Variants in TMEM231 observed in about 807,000 individuals in gnomAD.
The protein encoded by TMEM231 is transmembrane protein 231.
TMEM231 carries 40 observed loss-of-function variants against 38.5 expected under a neutral mutation model. That is an observed-to-expected ratio of 1.04 (90% CI 0.81 to 1.35). The LOEUF is 1.35. Among genes scored for constraint, TMEM231 ranks in the 40% most tolerant of loss-of-function variants. The probability of loss-of-function intolerance (pLI) is 0.00; values close to 1 mark genes in which losing one functional copy is unlikely to be tolerated. For synonymous variants in TMEM231, 199 were observed against 181.7 expected, an observed-to-expected ratio of 1.10 and a Z score of -0.77; for missense variants, 420 against 416.9, an observed-to-expected ratio of 1.01 and a Z score of -0.07.
At position 75,540,119 on chromosome 16, in the gene TMEM231, T is replaced by C. The variant is rs1255772519; in HGVS notation, c.826A>G (p.Ile276Val). The change falls in exon 7 of 7, where the codon ATC becomes GTC. Residue 276 changes from isoleucine to valine, a missense_variant. Transcript: ENST00000258173. ...VKFAWVQYVS[I>V]LLIFLWVFER... ...AACACCCAGAGGAAGATAAGCAGGA[T>C]GCTGACATACTGCACCCAGGCGAAC... The C allele has an allele frequency of 6.2e-7, 1 of 1,613,884 alleles. No homozygotes were observed. Among genetic ancestry groups the C allele is most frequent in the East Asian group, 2.2e-5 (1 of 44,880 alleles).
Position 75,545,880 on chromosome 16 carries a change from G to C in TMEM231, c.384C>G (p.Ser128=). The C allele has an allele frequency of 6.8e-7, 1 of 1,464,748 alleles. No homozygotes were observed. The highest frequency in any genetic ancestry group is 2.2e-5 in the Admixed American group (1 of 44,796). The allele number at this position is 1,464,748 out of a possible 1,614,324, so 90.7% of individuals were successfully genotyped here. Residue 128 remains serine, a synonymous_variant, in exon 3 of 7, where the codon TCC becomes TCG. Transcript: ENST00000258173. ...LHFKLELPLQ[S]TEHVLGVQLI... ...GCTGCACACCGAGAACGTGCTCCGTGGACTGCAGGGGAAGCTCCAGCTTAA... is the reference window on the plus strand; with the variant it reads ...GCTGCACACCGAGAACGTGCTCCGTCGACTGCAGGGGAAGCTCCAGCTTAA...
At chr16:75,548,674 G>A (rs2080721087) in intron 2 of TMEM231, among the ~76,000 whole-genome samples, 1 of 152,180 alleles carries the variant, frequency 6.6e-6, no homozygotes, top group Non-Finnish European at 1.5e-5. Context: ...TTCGAGAGCA[G>A]CCTGGGCAAC....
chr16:75,553,480 G>A (rs1376845065), intron 2 of TMEM231, among the ~76,000 whole-genome samples: 2 of 151,800 alleles, frequency 1.3e-5, no homozygotes, highest in Non-Finnish European at 2.9e-5. Context: ...AAGTTAGCCC[G>A]GAGTGGTGGT....
At chr16:75,546,732 C>T (rs147607684) in intron 2 of TMEM231, among the ~76,000 whole-genome samples, 287 of 152,278 alleles carry the variant, frequency 1.9e-3, no homozygotes, top group Middle Eastern at 6.8e-3. Flanking sequence ...CGTGAGCCAC[C>T]GCACCCGGCC....
chr16:75,552,972 T>G (rs1309846386), intron 2 of TMEM231, among the ~76,000 whole-genome samples: 1 of 152,176 alleles, frequency 6.6e-6, no homozygotes, highest in Admixed American at 6.5e-5. Context: ...GGGGAAAAAG[T>G]CACTCTGCTT....
At position 75,539,133 on chromosome 16, in the gene TMEM231, G is replaced by T. The variant is rs1461096905; in HGVS notation, c.*861C>A. Reference sequence around the variant, plus strand: ...CTGTCGCCCCTGTCCTTTGCAGGAAGGGGGAGGGCTGTCAAGGAGGAGGAG... The same window carrying T: ...CTGTCGCCCCTGTCCTTTGCAGGAATGGGGAGGGCTGTCAAGGAGGAGGAG... On this transcript the variant is annotated 3_prime_UTR_variant, in exon 7 of 7. Coordinates refer to ENST00000258173, the MANE Select transcript of TMEM231 (RefSeq NM_001077418.3). The T allele has an allele frequency of 6.6e-6, 1 of 151,746 alleles. No homozygotes were observed. Among genetic ancestry groups the T allele is most frequent in the African/African-American group, 2.4e-5 (1 of 41,352 alleles). The allele number at this position is 151,746 out of a possible 1,614,324, so 9.4% of individuals were successfully genotyped here.
chr16:75,549,915 G>A (rs1304155697), intron 2 of TMEM231, among the ~76,000 whole-genome samples: 1 of 152,120 alleles, frequency 6.6e-6, no homozygotes, highest in Non-Finnish European at 1.5e-5. Flanking sequence ...CACCGTGTTG[G>A]CCAGGCTATT....
chr16:75,538,466 T>A lies in TMEM231; in HGVS notation c.*1528A>T, dbSNP rs951215673. 4 of 152,218 alleles carry A rather than the reference T, an allele frequency of 2.6e-5. No homozygotes were observed. Among genetic ancestry groups the A allele is most frequent in the Non-Finnish European group, 5.9e-5 (4 of 68,042 alleles). 9.4% of individuals were successfully genotyped at this position (152,218 alleles called of 1,614,324 possible). On this transcript the variant is annotated 3_prime_UTR_variant, in exon 7 of 7. Coordinates refer to ENST00000258173, the MANE Select transcript of TMEM231 (RefSeq NM_001077418.3). ...GTGAATTTAAACAAGAAACTATTTT[T>A]CGTTTAGATCTTAAGAAAAAAATTT...
rs551886364 is a variant in TMEM231, at chr16:75,550,801, C to T, written c.310-4847G>A. Among the ~76,000 whole-genome samples, 8 of 151,064 alleles carry T rather than the reference C, an allele frequency of 5.3e-5. No homozygotes were observed. The East Asian group carries it at 1.2e-3, about 22-fold the overall frequency. ...GTGCAATCTCAGCTCACTGCAATCT[C>T]CGCCTCCCGGGTTCAAGCAATTCTC... On this transcript the variant is annotated intron_variant, in intron 2 of 6. Transcript: ENST00000258173.
chr16:75,544,237 A>G (rs2080657247), intron 4 of TMEM231, among the ~76,000 whole-genome samples: 1 of 152,230 alleles, frequency 6.6e-6, no homozygotes, highest in African/African-American at 2.4e-5. Flanking sequence ...AAACACACAA[A>G]CACATATCCT....
chr16:75,541,452 G>T lies in TMEM231; in HGVS notation c.668C>A (p.Thr223Asn). ...IVAAYQERNV[T>N]TVLNDPNPIW... ...GGGGTTGGGATCATTCAGGACGGTGGTAACTGCAATGCAATCATTAACCAT... is the reference window on the plus strand; with the variant it reads ...GGGGTTGGGATCATTCAGGACGGTGTTAACTGCAATGCAATCATTAACCAT... The change falls in exon 6 of 7, where the codon ACC (threonine) becomes AAC (asparagine). Residue 223 changes from threonine (T) to asparagine (N), a missense_variant. Transcript: ENST00000258173. 6.2e-7 allele frequency: 1 copy of T among 1,603,054 alleles called. No individual in the cohort carries two copies. The highest frequency in any genetic ancestry group is 8.5e-7 in the Non-Finnish European group (1 of 1,173,078).
chr16:75,540,205 TG>T (rs770660721), intron 6 of TMEM231, 31 bp from the exon 7 acceptor site: 7 of 1,585,138 alleles, frequency 4.4e-6, no homozygotes, highest in East Asian at 4.5e-5. Flanking sequence ...AAGGGCCACA[TG>T]GTGTTAAGTA....
chr16:75,544,946 T>C lies in TMEM231; in HGVS notation c.582+406A>G, dbSNP rs199733458. 5.1e-3 allele frequency among the ~76,000 whole-genome samples: 586 copies of C among 114,588 alleles called. 7 individuals carry two copies. Among genetic ancestry groups the C allele is most frequent in the East Asian group, 0.026 (66 of 2,572 alleles). 75.2% of individuals were successfully genotyped at this position (114,588 alleles called of 152,430 possible). Reference sequence around the variant, plus strand: ...ATGATATTTCTACTTTTCTTTTCTTTTTCTTTTTTTTTTTTTTTTTTTTTT... The same window carrying C: ...ATGATATTTCTACTTTTCTTTTCTTCTTCTTTTTTTTTTTTTTTTTTTTTT... On this transcript the variant is annotated intron_variant, in intron 4 of 6. Transcript: ENST00000258173.
intron 4 of TMEM231, 44 bp downstream of exon 4, chr16:75,545,308 A>T: frequency 6.3e-7 from 1 of 1,591,450 alleles, no homozygotes; most frequent in Non-Finnish European, 8.6e-7. Context: ...AATGAACAGT[A>T]ACACAGAGAA....
intron 2 of TMEM231, among the ~76,000 whole-genome samples, chr16:75,549,241 G>C (rs997121394): frequency 6.6e-6 from 1 of 152,186 alleles, no homozygotes; most frequent in African/African-American, 2.4e-5. Context: ...TTAGTTGAAA[G>C]TAAGTTTAAC....
rs961777015 is a variant in TMEM231 at position 75,555,914 on chromosome 16, C to G, written c.199G>C (p.Val67Leu). The G allele has an allele frequency of 4.4e-6, 7 of 1,603,290 alleles. No individual in the cohort carries two copies. The South Asian group carries it at 5.6e-5, about 13-fold the overall frequency. ...GGTCCGAGCAGGGCCACGAGCAGCA[C>G]CTGGTGTTGGAAGCGCACGGTCGGC... The part of the protein sequence containing the change: ...EQPTVRFQHQ[V>L]LLVALLGPES... Residue 67 changes from valine (V) to leucine (L), a missense_variant, in exon 2 of 7, where the codon GTG becomes CTG. Physicochemically the swap from Val to Leu is conservative, Grantham distance 32. Coordinates refer to ENST00000258173, the MANE Select transcript of TMEM231 (RefSeq NM_001077418.3).
intron 5 of TMEM231, among the ~76,000 whole-genome samples, chr16:75,542,364 T>G (rs888095788): frequency 6.6e-6 from 1 of 150,406 alleles, no homozygotes; most frequent in Non-Finnish European, 1.5e-5. Flanking sequence ...GGGATAATGA[T>G]GGCATTTAAC....
chr16:75,549,715 T>G (rs2080734654), intron 2 of TMEM231, among the ~76,000 whole-genome samples: 2 of 152,226 alleles, frequency 1.3e-5, no homozygotes, highest in Admixed American at 1.3e-4. Flanking sequence ...GGAATTTTTT[T>G]GTTTTTTTTT....
At chr16:75,547,973 A>C (rs1018208191) in intron 2 of TMEM231, among the ~76,000 whole-genome samples, 1 of 152,198 alleles carries the variant, frequency 6.6e-6, no homozygotes, top group African/African-American at 2.4e-5. Flanking sequence ...GACAACTGCC[A>C]GAAGAATCCA....
Sources: allele counts gnomAD v4.1 joint callset (sites outside exome capture counted in the v4.1 genomes callset), GRCh38; gene constraint gnomAD v4.1.1; transcripts MANE v1.5; gene names NCBI Gene and HGNC (gene_info 2026-07-23, HGNC 2026-07-21).